Variants in FAM20C observed in about 807,000 individuals in gnomAD.
FAM20C encodes the protein extracellular serine/threonine protein kinase FAM20C.
A neutral mutation model predicts 51.5 loss-of-function variants in FAM20C; 40 were observed. The ratio of observed to expected loss-of-function variants is 0.78; its 90% confidence interval spans 0.60 to 1.01. FAM20C has a LOEUF of 1.01. Ranked by LOEUF, FAM20C falls within the 50% of genes least tolerant of loss-of-function variation. The probability of loss-of-function intolerance (pLI) is 0.00; values close to 1 mark genes in which losing one functional copy is unlikely to be tolerated. For synonymous variants in FAM20C, 406 were observed against 380.6 expected (o/e 1.07, Z -0.78); for missense variants, 861 against 844.7 (o/e 1.02, Z -0.24).
chr7:193,451 CA>C lies in FAM20C; in HGVS notation c.254del (p.Lys85SerfsTer45). The C allele has an allele frequency of 6.8e-7, 1 of 1,462,002 alleles. No homozygotes were observed. Among genetic ancestry groups the C allele is most frequent in the Non-Finnish European group, 9.1e-7 (1 of 1,099,656 alleles). The allele number at this position is 1,462,002 out of a possible 1,614,324, so 90.6% of individuals were successfully genotyped here. ...SAAGDAGWPN[K>X]HTLRILQDFS... ...CCGCCGGCGACGCGGGCTGGCCCAA[CA>C]AGCACACGCTCCGCATCCTGCAGGA... is the stretch of plus-strand genomic sequence containing the variant. On this transcript the variant is annotated frameshift_variant, in exon 1 of 10. Transcript: ENST00000313766. LOFTEE classifies it high-confidence loss of function.
intron 3 of FAM20C, among the ~76,000 whole-genome samples, chr7:215,262 G>A (rs1786910527): frequency 8.8e-6 from 1 of 113,330 alleles, no homozygotes; most frequent in African/African-American, 3.2e-5. Context: ...TGTATGGAGA[G>A]GATGGAGCTG....
chr7:195,505 AC>A, intron 1 of FAM20C, 48 bp from the exon 2 acceptor site: 1 of 1,404,460 alleles, frequency 7.1e-7, no homozygotes, highest in Non-Finnish European at 9.3e-7. Context: ...CATCCGACTC[AC>A]GGGCCTGTTC....
chr7:249,881 C>T (rs1352441417), intron 5 of FAM20C, among the ~76,000 whole-genome samples: 1 of 152,202 alleles, frequency 6.6e-6, no homozygotes, highest in East Asian at 1.9e-4. Flanking sequence ...GCTCTGGGGA[C>T]ACTCTCCTAC....
intron 9 of FAM20C, 36 bp from the exon 10 acceptor site, chr7:259,695 G>A (rs1300558332): frequency 7.3e-6 from 11 of 1,513,722 alleles, no homozygotes; most frequent in South Asian, 1.2e-5. Context: ...CATCTCCCCT[G>A]TCCCGTGCCA....
intron 3 of FAM20C, among the ~76,000 whole-genome samples, chr7:212,307 A>G (rs1786760819): frequency 6.6e-6 from 1 of 152,180 alleles, no homozygotes; most frequent in Admixed American, 6.5e-5. Flanking sequence ...TACTAAAAAT[A>G]TAAAAATTAG....
intron 3 of FAM20C, among the ~76,000 whole-genome samples, chr7:215,233 G>GC (rs947273936): frequency 1.6e-5 from 2 of 126,336 alleles, no homozygotes; most frequent in Non-Finnish European, 3.6e-5. Context: ...CCAGCTGGGG[G>GC]GGGGAGCAGG....
chr7:219,355 C>T (rs983082334), intron 3 of FAM20C, among the ~76,000 whole-genome samples: 1 of 147,970 alleles, frequency 6.8e-6, no homozygotes, highest in African/African-American at 2.6e-5. Flanking sequence ...GACAGCAACG[C>T]CCAGCCCAGG....
Position 259,884 on chromosome 7 carries a change from G to T in FAM20C, c.1659G>T (p.Val553=), listed in dbSNP as rs36170987. ...CCCTGGACCGGCGGCTCCGCGTCGT[G>T]CTAAAGGCCGTCCGGGACTGCGTGG... The part of the protein sequence containing the change: ...LEALDRRLRV[V]LKAVRDCVER... Residue 553 remains valine (V), a synonymous_variant, in exon 10 of 10, where the codon GTG becomes GTT. Transcript: ENST00000313766. The T allele has an allele frequency of 0.46, 706,715 of 1,535,618 alleles. 166,710 individuals carry two copies. Among genetic ancestry groups the T allele is most frequent in the African/African-American group, 0.7 (51,013 of 73,102 alleles).
chr7:251,186 C>G (rs569075686), intron 5 of FAM20C, among the ~76,000 whole-genome samples: 1 of 150,084 alleles, frequency 6.7e-6, no homozygotes, highest in Admixed American at 6.6e-5. Flanking sequence ...CACTGAGTGG[C>G]CGGGCACGGC....
At chr7:256,419 C>T (rs1402392417) in intron 6 of FAM20C, 8 of 578,518 alleles carry the variant, frequency 1.4e-5, no homozygotes, top group East Asian at 5.7e-5. Context: ...GCAAAAAACA[C>T]GGGGCCCAGA....
chr7:217,688 T>A (rs1787064802), intron 3 of FAM20C, among the ~76,000 whole-genome samples: 1 of 152,112 alleles, frequency 6.6e-6, no homozygotes, highest in African/African-American at 2.4e-5. Context: ...TTCTCTGCAG[T>A]CCCACGTGGC....
At chr7:235,177 G>A (rs1348222950) in intron 3 of FAM20C, among the ~76,000 whole-genome samples, 2 of 152,070 alleles carry the variant, frequency 1.3e-5, no homozygotes, top group African/African-American at 4.8e-5. Context: ...TTTTCAAACT[G>A]TTTACACTGA....
intron 5 of FAM20C, among the ~76,000 whole-genome samples, chr7:255,000 A>G (rs1431781457): frequency 6.6e-6 from 1 of 152,090 alleles, no homozygotes; most frequent in Non-Finnish European, 1.5e-5. Context: ...CTCTTGATGG[A>G]CATTTGGGTG....
intron 1 of FAM20C, among the ~76,000 whole-genome samples, chr7:194,957 G>T (rs545451621): frequency 4.6e-5 from 7 of 152,340 alleles, no homozygotes; most frequent in Admixed American, 2.0e-4. Context: ...TGCGTGGGCG[G>T]CGGGTCCTCC....
At chr7:215,237 G>A (rs143187984) in intron 3 of FAM20C, among the ~76,000 whole-genome samples, 1 of 120,642 alleles carries the variant, frequency 8.3e-6, no homozygotes, top group Non-Finnish European at 1.9e-5. Flanking sequence ...CTGGGGGGGG[G>A]AGCAGGGCCC....
intron 2 of FAM20C, among the ~76,000 whole-genome samples, chr7:205,643 G>A (rs768946541): frequency 5.0e-4 from 76 of 152,256 alleles, no homozygotes; most frequent in Non-Finnish European, 6.9e-4. Context: ...GGAGCCCGTC[G>A]ACGGTTTCTG....
chr7:245,178 A>G (rs1788102208), intron 3 of FAM20C, among the ~76,000 whole-genome samples: 1 of 152,216 alleles, frequency 6.6e-6, no homozygotes, highest in African/African-American at 2.4e-5. Context: ...GAGGGCTGGG[A>G]AAGTGACCGG....
rs1786575132 is a variant in FAM20C at position 208,920 on chromosome 7, G to C, written c.807G>C (p.Gln269His). 6.3e-7 allele frequency: 1 copy of C among 1,581,050 alleles called. No homozygotes were observed. ...TSVAMKSGGT[Q>H]LKLIMTFQNY... Reference sequence around the variant, plus strand: ...CAGCCATGAAGTCGGGGGGCACGCAGCTGAAGCTCATCATGACCTTCCAGA... The same window carrying C: ...CAGCCATGAAGTCGGGGGGCACGCACCTGAAGCTCATCATGACCTTCCAGA... The change falls in exon 3 of 10, where the codon CAG becomes CAC. Residue 269 changes from glutamine (Q) to histidine (H), a missense_variant. Gln to His is a conservative substitution (Grantham distance 24). Transcript: ENST00000313766.
At chr7:226,462 G>A (rs898529553) in intron 3 of FAM20C, among the ~76,000 whole-genome samples, 9 of 152,182 alleles carry the variant, frequency 5.9e-5, no homozygotes, top group Admixed American at 2.0e-4. Context: ...AGCCAAGGAC[G>A]AGGGCCCAAG....
Sources: gnomAD v4.1 joint callset for allele counts (sites outside exome capture counted in the v4.1 genomes callset) on GRCh38, gnomAD v4.1.1 for gene constraint, MANE v1.5 for transcripts, NCBI Gene and HGNC (gene_info 2026-07-23, HGNC 2026-07-21) for gene names.